Variants in RAB11FIP2 observed in about 807,000 individuals in gnomAD.
RAB11FIP2 encodes RAB11 family interacting protein 2.
Under a neutral mutation model 40.9 loss-of-function variants are expected in RAB11FIP2, and 16 were observed. The observed-to-expected ratio is 0.39, with a 90% CI of 0.26 to 0.59. RAB11FIP2 has a LOEUF of 0.59. Among genes scored for constraint, RAB11FIP2 ranks in the 20% least tolerant of loss-of-function variants. The pLI, the probability that RAB11FIP2 is intolerant of heterozygous loss-of-function variation, is 0.53. For synonymous variants in RAB11FIP2, 228 were observed against 213.7 expected (o/e 1.07, Z -0.58); for missense variants, 532 against 606.2 (o/e 0.88, Z 1.28).
intron 3 of RAB11FIP2, among the ~76,000 whole-genome samples, chr10:118,022,504 C>T (rs948835656): frequency 1.3e-5 from 2 of 152,134 alleles, no homozygotes; most frequent in Non-Finnish European, 2.9e-5. Flanking sequence ...GACTTATTGC[C>T]CATCCCCTAA....
At chr10:118,012,873 A>G (rs1019444005) in intron 4 of RAB11FIP2, among the ~76,000 whole-genome samples, 5 of 152,034 alleles carry the variant, frequency 3.3e-5, no homozygotes, top group Admixed American at 6.6e-5. Context: ...TTCCCCTTTT[A>G]CAACCAACCT....
At position 118,009,243 on chromosome 10, in the gene RAB11FIP2, C is replaced by T; in HGVS notation, c.1312-18G>A. ...TTGCTGTCCTAGAACAGGATAAAGA[C>T]TGTCACTTTCATAGATATAACATCT... On this transcript the variant is annotated intron_variant, in intron 4 of 4. Transcript: ENST00000355624. 6.3e-7 allele frequency: 1 copy of T among 1,577,970 alleles called. No individual in the cohort carries two copies. Among genetic ancestry groups the T allele is most frequent in the Non-Finnish European group, 8.7e-7 (1 of 1,151,056 alleles).
intron 1 of RAB11FIP2, among the ~76,000 whole-genome samples, chr10:118,044,649 G>C (rs1485780556): frequency 6.6e-6 from 1 of 151,652 alleles, no homozygotes; most frequent in South Asian, 2.1e-4. Flanking sequence ...TTAAATCTTA[G>C]GTTAAGACCT....
rs1429513908 is a variant in RAB11FIP2, at chr10:118,039,091, G to A, written c.1146C>T (p.Ser382=). 3 of 1,613,444 alleles carry A rather than the reference G, an allele frequency of 1.9e-6. No individual in the cohort carries two copies. The highest frequency in any genetic ancestry group is 2.2e-5 in the South Asian group (2 of 91,046). ...CATTAGGTGATTTCAAGTCACAAGG[G>A]CTATCAGATCCCCCATTGTTAAGTT... ...SDKLNNGGSD[S]PCDLKSPNAF... Residue 382 remains serine (S), a synonymous_variant, in exon 3 of 5, where the codon AGC becomes AGT. Transcript: ENST00000355624.
At chr10:118,019,689 G>A (rs1197187231) in intron 3 of RAB11FIP2, among the ~76,000 whole-genome samples, 2 of 152,058 alleles carry the variant, frequency 1.3e-5, no homozygotes, top group East Asian at 1.9e-4. Flanking sequence ...AGCCGGGCGT[G>A]GTGGCAGGCG....
At position 118,018,024 on chromosome 10, in the gene RAB11FIP2, G is replaced by A. The variant is rs190611549; in HGVS notation, c.1266-2914C>T. ...GAAGGGTTTGCAGTGCGGCAAGCCCGGCTACTTCCCATTCTACCTGAGTGA... is the reference window on the plus strand; with the variant it reads ...GAAGGGTTTGCAGTGCGGCAAGCCCAGCTACTTCCCATTCTACCTGAGTGA... On this transcript the variant is annotated intron_variant, in intron 3 of 4. Coordinates refer to ENST00000355624, the MANE Select transcript of RAB11FIP2 (RefSeq NM_014904.3). The A allele has an allele frequency of 2.6e-5, 4 of 152,258 alleles. No individual in the cohort carries two copies. The East Asian group carries it at 7.7e-4, about 29-fold the overall frequency. The allele number at this position is 152,258 out of a possible 1,614,324, so 9.4% of individuals were successfully genotyped here. A position where few individuals can be genotyped will look rare whatever the true frequency, so the allele number is the denominator to read the frequency against.
chr10:118,039,641 T>TA, intron 2 of RAB11FIP2: 1 of 574,794 alleles, frequency 1.7e-6, no homozygotes, highest in Non-Finnish European at 3.1e-6. Context: ...AACTAGCATA[T>TA]TGCTAGACCA....
chr10:118,046,138 T>G lies in RAB11FIP2; in HGVS notation c.26A>C (p.Lys9Thr), dbSNP rs1443210181. The G allele has an allele frequency of 6.2e-7, 1 of 1,614,106 alleles. No homozygotes were observed. The highest frequency in any genetic ancestry group is 1.3e-5 in the African/African-American group (1 of 75,058). The stretch of plus-strand genomic sequence containing the variant: ...GACCTGCACGTGGGTTGGAAACCAC[T>G]TTTGGGCTTGCTCGGACAGCATCAT... MMLSEQAQ[K>T]WFPTHVQVTV... Residue 9 changes from lysine (K) to threonine (T), a missense_variant, in exon 1 of 5, where the codon AAG (lysine) becomes ACG (threonine). Coordinates refer to ENST00000355624, the MANE Select transcript of RAB11FIP2 (RefSeq NM_014904.3).
At chr10:118,029,699 A>G (rs373604557) in intron 3 of RAB11FIP2, among the ~76,000 whole-genome samples, 3 of 152,158 alleles carry the variant, frequency 2.0e-5, no homozygotes, top group African/African-American at 7.2e-5. Flanking sequence ...CCACTGAGAC[A>G]GCAGGTAACA....
At chr10:118,018,870 A>G (rs748012128) in intron 3 of RAB11FIP2, among the ~76,000 whole-genome samples, 2 of 152,184 alleles carry the variant, frequency 1.3e-5, no homozygotes, top group Non-Finnish European at 2.9e-5. Flanking sequence ...CACAGTAATC[A>G]CTACGGCATG....
intron 3 of RAB11FIP2, among the ~76,000 whole-genome samples, chr10:118,037,309 C>G (rs1184846767): frequency 6.6e-6 from 1 of 151,964 alleles, no homozygotes; most frequent in Non-Finnish European, 1.5e-5. Context: ...ACAGAATACT[C>G]TTTTAAACCA....
chr10:118,009,363 G>A lies in RAB11FIP2; in HGVS notation c.1312-138C>T, dbSNP rs531523752. On this transcript the variant is annotated intron_variant, in intron 4 of 4. Coordinates refer to ENST00000355624, the MANE Select transcript of RAB11FIP2 (RefSeq NM_014904.3). Reference sequence around the variant, plus strand: ...AGCCTTGCTTAAAGTGAATGTGACAGTTCACAAATTGGCTAGCCAGTCCTG... The same window carrying A: ...AGCCTTGCTTAAAGTGAATGTGACAATTCACAAATTGGCTAGCCAGTCCTG... 4.4e-5 allele frequency: 35 copies of A among 798,772 alleles called. No homozygotes were observed. In the African/African-American group the frequency reaches 5.6e-4, roughly 13 times the overall value. 49.5% of individuals were successfully genotyped at this position (798,772 alleles called of 1,614,324 possible).
chr10:118,015,229 G>C (rs1264013245), intron 3 of RAB11FIP2, 119 bp from the exon 4 acceptor site: 1 of 642,740 alleles, frequency 1.6e-6, no homozygotes, highest in African/African-American at 1.9e-5. Context: ...TTATTCAGAG[G>C]AGTGAAATTT....
chr10:118,039,594 C>T (rs1393274072), intron 2 of RAB11FIP2, 154 bp from the exon 3 acceptor site: 4 of 677,640 alleles, frequency 5.9e-6, no homozygotes, highest in African/African-American at 3.6e-5. Context: ...TCTTAAAATG[C>T]TAAGGTGTAG....
At chr10:118,024,749 C>G (rs1262118947) in intron 3 of RAB11FIP2, among the ~76,000 whole-genome samples, 1 of 152,084 alleles carries the variant, frequency 6.6e-6, no homozygotes, top group African/African-American at 2.4e-5. Context: ...TGAAAAAAGA[C>G]AGACGGCCCA....
Position 118,039,060 on chromosome 10 carries a change from T to C in RAB11FIP2, c.1177A>G (p.Ser393Gly), listed in dbSNP as rs756923705. 3 of 1,613,440 alleles carry C rather than the reference T, an allele frequency of 1.9e-6. No homozygotes were observed. Among genetic ancestry groups the C allele is most frequent in the South Asian group, 2.2e-5 (2 of 90,924 alleles). The stretch of plus-strand genomic sequence containing the variant: ...TCAAAATAGTCCTGGCGATTTTCAC[T>C]AAATGCATTAGGTGATTTCAAGTCA... ...PCDLKSPNAF[S>G]ENRQDYFDYE... Residue 393 changes from serine (S) to glycine (G), a missense_variant, in exon 3 of 5, where the codon AGT becomes GGT. Ser to Gly is a moderately conservative substitution (Grantham distance 56, BLOSUM62 0). Coordinates refer to ENST00000355624, the MANE Select transcript of RAB11FIP2 (RefSeq NM_014904.3).
At chr10:118,042,005 A>AC (rs899433268) in intron 1 of RAB11FIP2, among the ~76,000 whole-genome samples, 1 of 152,104 alleles carries the variant, frequency 6.6e-6, no homozygotes, top group Non-Finnish European at 1.5e-5. Flanking sequence ...GAAATAGACA[A>AC]CCTTAAATAA....
At chr10:118,033,205 T>C (rs967186064) in intron 3 of RAB11FIP2, among the ~76,000 whole-genome samples, 11 of 152,068 alleles carry the variant, frequency 7.2e-5, no homozygotes, top group African/African-American at 2.7e-4. Flanking sequence ...TAGCAATTTT[T>C]AAACCCGATA....
chr10:118,028,318 A>G (rs1292997213), intron 3 of RAB11FIP2, among the ~76,000 whole-genome samples: 1 of 150,466 alleles, frequency 6.6e-6, no homozygotes, highest in Non-Finnish European at 1.5e-5. Context: ...TAAGATTTTA[A>G]TATTTATAAG....
Sources: gnomAD v4.1 joint callset for allele counts (sites outside exome capture counted in the v4.1 genomes callset) on GRCh38, gnomAD v4.1.1 for gene constraint, MANE v1.5 for transcripts, NCBI Gene and HGNC (gene_info 2026-07-23, HGNC 2026-07-21) for gene names.